Variants in CSMD1 observed in about 807,000 individuals in gnomAD.
CSMD1 encodes CUB and sushi domain-containing protein 1.
Under a neutral mutation model 417.5 loss-of-function variants are expected in CSMD1, and 213 were observed. The ratio of observed to expected loss-of-function variants is 0.51; its 90% CI spans 0.46 to 0.57. The LOEUF (loss-of-function observed/expected upper bound fraction) is 0.57, where lower values mean the gene tolerates loss of function less well. CSMD1 is among the 20% of genes least tolerant of loss of function. The pLI is 0.00. For synonymous variants in CSMD1, 2,862 were observed against 1,736.8 expected, an observed-to-expected ratio of 1.65 and a Z score of -16.11; for missense variants, 6,923 against 4,529.7, an observed-to-expected ratio of 1.53 and a Z score of -15.17.
At chr8:3,736,987 C>A (rs1304301621) in intron 6 of CSMD1, among the ~76,000 whole-genome samples, 1 of 152,184 alleles carries the variant, frequency 6.6e-6, no homozygotes, top group African/African-American at 2.4e-5. Context: ...CTCCCAGGAT[C>A]TGATACACAG....
intron 1 of CSMD1, among the ~76,000 whole-genome samples, chr8:4,790,549 G>C (rs952967561): frequency 6.6e-6 from 1 of 152,124 alleles, no homozygotes; most frequent in Non-Finnish European, 1.5e-5. Flanking sequence ...GAATAACAAA[G>C]CTGGAAGCAT....
At chr8:4,092,318 T>C (rs947212003) in intron 3 of CSMD1, among the ~76,000 whole-genome samples, 5 of 152,216 alleles carry the variant, frequency 3.3e-5, no homozygotes, top group Admixed American at 3.3e-4. Context: ...GGCTTCGTCC[T>C]TTCCTGTGTC....
intron 3 of CSMD1, among the ~76,000 whole-genome samples, chr8:4,197,221 T>G (rs1050412241): frequency 3.3e-5 from 5 of 152,192 alleles, no homozygotes; most frequent in Non-Finnish European, 5.9e-5. Flanking sequence ...CATCATGAAT[T>G]CTGAGTTATT....
chr8:3,373,038 A>G (rs772988097), intron 18 of CSMD1, among the ~76,000 whole-genome samples: 1 of 152,234 alleles, frequency 6.6e-6, no homozygotes, highest in Non-Finnish European at 1.5e-5. Context: ...GATCACCATA[A>G]TGAATGTAAA....
chr8:4,911,057 C>T (rs1235917514), intron 1 of CSMD1, among the ~76,000 whole-genome samples: 1 of 152,198 alleles, frequency 6.6e-6, no homozygotes, highest in African/African-American at 2.4e-5. Flanking sequence ...ACTTGCTCCT[C>T]CTTGCCTTCC....
chr8:3,396,066 G>C (rs903318601), intron 17 of CSMD1, 128 bp downstream of exon 17: 3 of 737,810 alleles, frequency 4.1e-6, no homozygotes, highest in East Asian at 2.7e-5. Context: ...TGCATAGTAT[G>C]GTTTTGCTAG....
At chr8:4,100,407 A>C (rs946842501) in intron 3 of CSMD1, among the ~76,000 whole-genome samples, 8 of 152,118 alleles carry the variant, frequency 5.3e-5, no homozygotes, top group African/African-American at 1.9e-4. Flanking sequence ...TAGTCAGCCA[A>C]CTACTCTGTA....
intron 10 of CSMD1, among the ~76,000 whole-genome samples, chr8:3,536,074 G>C (rs576542296): frequency 1.3e-5 from 2 of 152,312 alleles, no homozygotes; most frequent in South Asian, 2.1e-4. Context: ...TACACAAGTA[G>C]AGATGTCCCC....
chr8:4,220,615 G>C (rs1260081256), intron 3 of CSMD1, among the ~76,000 whole-genome samples: 3 of 152,194 alleles, frequency 2.0e-5, no homozygotes, highest in African/African-American at 7.2e-5. Flanking sequence ...TGAGAGGAAG[G>C]ACCAGTGGTA....
intron 2 of CSMD1, among the ~76,000 whole-genome samples, chr8:4,512,679 C>T (rs1035029623): frequency 6.6e-6 from 1 of 151,814 alleles, no homozygotes; most frequent in Non-Finnish European, 1.5e-5. Context: ...TATAATAATA[C>T]CATTTACATT....
At chr8:3,238,605 G>C (rs1220477612) in intron 26 of CSMD1, among the ~76,000 whole-genome samples, 2 of 152,036 alleles carry the variant, frequency 1.3e-5, no homozygotes, top group Non-Finnish European at 2.9e-5. Flanking sequence ...GGGTGATATT[G>C]TGGGGTTGTT....
intron 10 of CSMD1, among the ~76,000 whole-genome samples, chr8:3,571,388 T>A (rs1462264296): frequency 1.3e-5 from 2 of 152,128 alleles, no homozygotes; most frequent in Non-Finnish European, 2.9e-5. Flanking sequence ...TGTTCCCTGG[T>A]TAAAGGTACG....
chr8:3,919,256 G>C (rs995151647), intron 5 of CSMD1, among the ~76,000 whole-genome samples: 1 of 144,868 alleles, frequency 6.9e-6, no homozygotes, highest in East Asian at 2.1e-4. Context: ...TTTAAAAAAT[G>C]TTTTCTTCTA....
intron 3 of CSMD1, among the ~76,000 whole-genome samples, chr8:4,153,685 G>T (rs919220244): frequency 7.2e-5 from 11 of 152,168 alleles, no homozygotes; most frequent in African/African-American, 2.7e-4. Flanking sequence ...TGGAATTTCC[G>T]CTTCCATCAA....
At chr8:4,438,711 G>A (rs1017891020) in intron 2 of CSMD1, among the ~76,000 whole-genome samples, 1 of 152,212 alleles carries the variant, frequency 6.6e-6, no homozygotes, top group African/African-American at 2.4e-5. Flanking sequence ...ATACTCAGTT[G>A]AGATTACCTG....
chr8:4,462,546 T>C (rs774936150), intron 2 of CSMD1, among the ~76,000 whole-genome samples: 1 of 152,056 alleles, frequency 6.6e-6, no homozygotes, highest in Non-Finnish European at 1.5e-5. Flanking sequence ...AAACAATCTT[T>C]AAAAAAGAAA....
chr8:3,231,003 G>A (rs1360121391), intron 26 of CSMD1, among the ~76,000 whole-genome samples: 1 of 152,068 alleles, frequency 6.6e-6, no homozygotes, highest in Non-Finnish European at 1.5e-5. Context: ...AAAGTGCATT[G>A]CAAACGGCGA....
chr8:4,585,963 CA>C (rs1799678616), intron 2 of CSMD1, among the ~76,000 whole-genome samples: 1 of 152,062 alleles, frequency 6.6e-6, no homozygotes, highest in African/African-American at 2.4e-5. Flanking sequence ...AATATATTAG[CA>C]AAATAATTTG....
chr8:3,822,908 G>C (rs778911560), intron 5 of CSMD1, among the ~76,000 whole-genome samples: 5 of 152,158 alleles, frequency 3.3e-5, no homozygotes, highest in Non-Finnish European at 5.9e-5. Flanking sequence ...TCACTGTGCA[G>C]AGCTAAGTAA....
Sources: allele counts gnomAD v4.1 joint callset (sites outside exome capture counted in the v4.1 genomes callset), GRCh38; gene constraint gnomAD v4.1.1; transcripts MANE v1.5; gene names NCBI Gene and HGNC (gene_info 2026-07-23, HGNC 2026-07-21).